Variants in CILP2 observed in about 807,000 individuals in gnomAD.
The protein encoded by CILP2 is CILP-2.
CILP2 carries 38 observed loss-of-function variants against 45.6 expected under a neutral mutation model. The observed-to-expected ratio is 0.83, with a 90% CI of 0.64 to 1.09. The LOEUF (loss-of-function observed/expected upper bound fraction) is 1.09. Among genes scored for constraint, CILP2 ranks in the 50% least tolerant of loss-of-function variants. CILP2 has a pLI of 0.00. For missense variants in CILP2, 1,735 were observed against 1,662.2 expected (o/e 1.04, Z -0.76); for synonymous variants, 780 against 723.5 (o/e 1.08, Z -1.25).
At chr19:19,542,152 G>A (rs144285132) in intron 4 of CILP2, among the ~76,000 whole-genome samples, 3 of 152,214 alleles carry the variant, frequency 2.0e-5, no homozygotes, top group East Asian at 1.9e-4. Context: ...TCTTCCCTAC[G>A]TCTCTGGATC....
rs2061242249 is a variant in CILP2, at chr19:19,541,201, G to C, written c.547G>C (p.Gly183Arg). The part of the protein sequence containing the change: ...CPSPAGDACP[G>R]RPLEAQKCVR... ...AAGCCCCGCTGGGGATGCGTGTCCCGGGCGTCCTCTGGAGGCGCAGAAGTG... is the reference window on the plus strand; with the variant it reads ...AAGCCCCGCTGGGGATGCGTGTCCCCGGCGTCCTCTGGAGGCGCAGAAGTG... The change falls in exon 4 of 8, where the codon GGG (glycine) becomes CGG (arginine). Residue 183 changes from glycine (G) to arginine (R), a missense_variant. Coordinates refer to ENST00000291495, the MANE Select transcript of CILP2 (RefSeq NM_153221.2). 1 of 1,277,146 alleles carries C rather than the reference G, an allele frequency of 7.8e-7. No individual in the cohort carries two copies. Among genetic ancestry groups the C allele is most frequent in the Admixed American group, 3.5e-5 (1 of 28,624 alleles). 79.1% of individuals were successfully genotyped at this position (1,277,146 alleles called of 1,614,324 possible).
intron 3 of CILP2, 45 bp downstream of exon 3, chr19:19,540,521 G>A (rs1327038169): frequency 4.4e-6 from 6 of 1,369,810 alleles, no homozygotes; most frequent in Non-Finnish European, 2.8e-6. Flanking sequence ...TGAATGGGCG[G>A]GGCTGGCGAA....
Position 19,545,933 on chromosome 19 carries a change from C to G in CILP2, c.3388C>G (p.Arg1130Gly). 1 of 1,575,176 alleles carries G rather than the reference C, an allele frequency of 6.3e-7. No homozygotes were observed. The highest frequency in any genetic ancestry group is 8.7e-7 in the Non-Finnish European group (1 of 1,155,140). ...ESPATALGDI[R>G]REMSEAAQAQ... ...CCCGGCGACAGCACTTGGTGACATC[C>G]GCAGGGAGATGAGCGAGGCGGCGCA... The change falls in exon 8 of 8, where the codon CGC becomes GGC. Residue 1130 changes from arginine (R) to glycine (G), a missense_variant. Coordinates refer to ENST00000291495, the MANE Select transcript of CILP2 (RefSeq NM_153221.2).
Position 19,544,736 on chromosome 19 carries a change from G to T in CILP2, c.2191G>T (p.Val731Leu), listed in dbSNP as rs371751278. The T allele has an allele frequency of 2.5e-6, 4 of 1,603,880 alleles. No individual in the cohort carries two copies. The highest frequency in any genetic ancestry group is 2.2e-5 in the East Asian group (1 of 44,834). The change falls in exon 8 of 8, where the codon GTG (valine) becomes TTG (leucine). Residue 731 changes from valine (V) to leucine (L), a missense_variant. Coordinates refer to ENST00000291495, the MANE Select transcript of CILP2 (RefSeq NM_153221.2). ...IRERRLFNLDVPERRRCFVKV... is the reference protein window; with the variant it reads ...IRERRLFNLDLPERRRCFVKV... ...GGAGCGGCGCCTGTTCAATCTGGAC[G>T]TGCCTGAGCGCCGCCGCTGCTTCGT...
rs558871370 is a variant in CILP2, at chr19:19,542,372, C to T, written c.593-3C>T. ...GTCCTGCTTCCTCTCCATATCCCCC[C>T]AGGGTGCAGCCTTGACACCTGTGAA... On this transcript the variant is annotated splice_region_variant and splice_polypyrimidine_tract_variant and intron_variant, in intron 4 of 7. Coordinates refer to ENST00000291495, the MANE Select transcript of CILP2 (RefSeq NM_153221.2). 4 of 1,607,698 alleles carry T rather than the reference C, an allele frequency of 2.5e-6. No individual in the cohort carries two copies. In the African/African-American group the frequency reaches 4.0e-5, roughly 16 times the overall value.
At chr19:19,540,695 CA>C in intron 3 of CILP2, 1 of 561,614 alleles carries the variant, frequency 1.8e-6, no homozygotes, top group Non-Finnish European at 2.9e-6. Flanking sequence ...GCGCGGGGCC[CA>C]AGTGCACCGT....
Position 19,542,644 on chromosome 19 carries a change from A to C in CILP2, c.862A>C (p.Lys288Gln). The C allele has an allele frequency of 6.2e-7, 1 of 1,613,094 alleles. No individual in the cohort carries two copies. Among genetic ancestry groups the C allele is most frequent in the South Asian group, 1.1e-5 (1 of 91,068 alleles). ...CTCTGTGGTCACCATCATCCTTGATAAGTTGGGTAAGCACCCTTGCAACAT... is the reference window on the plus strand; with the variant it reads ...CTCTGTGGTCACCATCATCCTTGATCAGTTGGGTAAGCACCCTTGCAACAT... The part of the protein sequence containing the change: ...SISVVTIILD[K>Q]LEKPYLVKHP... Residue 288 changes from lysine to glutamine, a missense_variant, in exon 5 of 8, where the codon AAG becomes CAG. Transcript: ENST00000291495.
intron 1 of CILP2, among the ~76,000 whole-genome samples, chr19:19,538,730 A>G (rs2061231841): frequency 6.6e-6 from 1 of 151,990 alleles, no homozygotes; most frequent in Non-Finnish European, 1.5e-5. Flanking sequence ...ACTCCCACAC[A>G]CGCACTCACT....
At position 19,544,376 on chromosome 19, in the gene CILP2, G is replaced by C; in HGVS notation, c.1831G>C (p.Asp611His). 1 of 1,609,140 alleles carries C rather than the reference G, an allele frequency of 6.2e-7. No homozygotes were observed. Among genetic ancestry groups the C allele is most frequent in the South Asian group, 1.1e-5 (1 of 90,974 alleles). ...GPVEARVTFV[D>H]PRDLTSAASA... ...TGTGGAGGCCCGGGTGACGTTCGTG[G>C]ACCCCCGAGACCTCACCTCGGCGGC... is the stretch of plus-strand genomic sequence containing the variant. The change falls in exon 8 of 8, where the codon GAC becomes CAC. Residue 611 changes from aspartate (D) to histidine (H), a missense_variant. Coordinates refer to ENST00000291495, the MANE Select transcript of CILP2 (RefSeq NM_153221.2).
intron 2 of CILP2, 121 bp downstream of exon 2, chr19:19,539,898 TC>T: frequency 1.2e-6 from 1 of 802,386 alleles, no homozygotes; most frequent in Non-Finnish European, 1.8e-6. Flanking sequence ...GCCGTCCTGG[TC>T]CCCGGACATG....
Position 19,538,269 on chromosome 19 carries a change from C to G in CILP2, c.-81C>G. The G allele has an allele frequency of 1.7e-5, 23 of 1,359,240 alleles. No homozygotes were observed. Among genetic ancestry groups the G allele is most frequent in the Non-Finnish European group, 2.2e-5 (22 of 996,466 alleles). 84.2% of individuals were successfully genotyped at this position (1,359,240 alleles called of 1,614,324 possible). On this transcript the variant is annotated 5_prime_UTR_variant, in exon 1 of 8. Coordinates refer to ENST00000291495, the MANE Select transcript of CILP2 (RefSeq NM_153221.2). Reference sequence around the variant, plus strand: ...TCGCATCCCGCCCCCACTCTCAGTCCCAGCGGCCGCCAGACCCGCCGGAGT... The same window carrying G: ...TCGCATCCCGCCCCCACTCTCAGTCGCAGCGGCCGCCAGACCCGCCGGAGT...
intron 7 of CILP2, 67 bp downstream of exon 7, chr19:19,543,472 T>C: frequency 1.3e-6 from 2 of 1,579,310 alleles, no homozygotes; most frequent in Non-Finnish European, 1.7e-6. Flanking sequence ...GTAGCTAAGC[T>C]CAACCCCAAA....
In CILP2 at chr19:19,546,536, G is replaced by A. The variant is rs771331597; in HGVS notation, c.*520G>A. ...CTGGGCCCAGTGAAAAGGAGGAAGG[G>A]GTTCCCATGCGGGGGAGGCTCTGGG... On this transcript the variant is annotated 3_prime_UTR_variant, in exon 8 of 8. Transcript: ENST00000291495. The A allele has an allele frequency of 6.5e-6, 1 of 152,862 alleles. No individual in the cohort carries two copies. Among genetic ancestry groups the A allele is most frequent in the Non-Finnish European group, 1.5e-5 (1 of 68,242 alleles). 9.5% of individuals were successfully genotyped at this position (152,862 alleles called of 1,614,324 possible). A position where few individuals can be genotyped will look rare whatever the true frequency, so the allele number is the denominator to read the frequency against.
chr19:19,544,461 C>A lies in CILP2; in HGVS notation c.1916C>A (p.Thr639Asn), dbSNP rs745701491. 1 of 1,608,778 alleles carries A rather than the reference C, an allele frequency of 6.2e-7. No individual in the cohort carries two copies. ...GACGGCGAGCTGGCTCCACTGCGCA[C>A]CTACGGCATGTTCTCCGTGGACCTC... The part of the protein sequence containing the change: ...DSDGELAPLR[T>N]YGMFSVDLRA... The change falls in exon 8 of 8, where the codon ACC becomes AAC. Residue 639 changes from threonine (T) to asparagine (N), a missense_variant. By Grantham distance (65) the Thr-to-Asn change is moderately conservative. Transcript: ENST00000291495.
chr19:19,544,089 C>G lies in CILP2; in HGVS notation c.1544C>G (p.Pro515Arg). 2 of 1,614,022 alleles carry G rather than the reference C, an allele frequency of 1.2e-6. No homozygotes were observed. Among genetic ancestry groups the G allele is most frequent in the East Asian group, 4.5e-5 (2 of 44,886 alleles). The change falls in exon 8 of 8, where the codon CCC becomes CGC. Residue 515 changes from proline to arginine, a missense_variant. By Grantham distance (103) the Pro-to-Arg change is moderately radical (BLOSUM62 -2). Coordinates refer to ENST00000291495, the MANE Select transcript of CILP2 (RefSeq NM_153221.2). ...YQGDFTIEVP[P>R]STQRLVVTFV... The stretch of plus-strand genomic sequence containing the variant: ...GGCGACTTTACCATTGAGGTGCCGC[C>G]CTCCACCCAGCGGCTGGTGGTGACT...
chr19:19,545,094 A>G lies in CILP2; in HGVS notation c.2549A>G (p.Asp850Gly). ...CTGGGGTACCGTCGGACGGACCACG[A>G]CGATCCCGCCTTCAAGCGTAACGGC... The part of the protein sequence containing the change: ...DRLGYRRTDH[D>G]DPAFKRNGFR... Residue 850 changes from aspartate (D) to glycine (G), a missense_variant, in exon 8 of 8, where the codon GAC becomes GGC. Physicochemically the swap from Asp to Gly is moderately conservative, Grantham distance 94 (BLOSUM62 -1). Coordinates refer to ENST00000291495, the MANE Select transcript of CILP2 (RefSeq NM_153221.2). The G allele has an allele frequency of 6.2e-7, 1 of 1,611,342 alleles. No individual in the cohort carries two copies. Among genetic ancestry groups the G allele is most frequent in the Non-Finnish European group, 8.5e-7 (1 of 1,179,470 alleles).
At chr19:19,541,362 A>C in intron 4 of CILP2, 116 bp downstream of exon 4, 1 of 921,362 alleles carries the variant, frequency 1.1e-6, no homozygotes, top group Non-Finnish European at 1.4e-6. Flanking sequence ...GTAGAGAGGC[A>C]GTGCTTCTCC....
Position 19,539,669 on chromosome 19 carries a change from T to C in CILP2, c.65-10T>C. 6.4e-7 allele frequency: 1 copy of C among 1,560,062 alleles called. No homozygotes were observed. Among genetic ancestry groups the C allele is most frequent in the Admixed American group, 1.8e-5 (1 of 55,086 alleles). On this transcript the variant is annotated splice_polypyrimidine_tract_variant and intron_variant, in intron 1 of 7. Coordinates refer to ENST00000291495, the MANE Select transcript of CILP2 (RefSeq NM_153221.2). The stretch of plus-strand genomic sequence containing the variant: ...CAGCGTGCTTCCTTCTCCCCACTCC[T>C]CACCCACAGACGCCACCCCCACCGA...
rs1438113917 is a variant in CILP2 at position 19,545,921 on chromosome 19, C to T, written c.3376C>T (p.Leu1126Phe). 3 of 1,581,854 alleles carry T rather than the reference C, an allele frequency of 1.9e-6. No individual in the cohort carries two copies. Among genetic ancestry groups the T allele is most frequent in the East Asian group, 4.5e-5 (2 of 44,094 alleles). Residue 1126 changes from leucine to phenylalanine, a missense_variant, in exon 8 of 8, where the codon CTT (leucine) becomes TTT (phenylalanine). Leu to Phe is a conservative substitution (Grantham distance 22). Coordinates refer to ENST00000291495, the MANE Select transcript of CILP2 (RefSeq NM_153221.2). ...QRLLESPATA[L>F]GDIRREMSEA... ...GCTGCTGGAGTCCCCGGCGACAGCA[C>T]TTGGTGACATCCGCAGGGAGATGAG...
Sources: allele counts gnomAD v4.1 joint callset (sites outside exome capture counted in the v4.1 genomes callset), GRCh38; gene constraint gnomAD v4.1.1; transcripts MANE v1.5; gene names NCBI Gene and HGNC (gene_info 2026-07-23, HGNC 2026-07-21).